The following BTBD9 variants were observed in gnomAD, a reference collection of about 807,000 sequenced individuals.
BTBD9 encodes the protein BTB domain containing 9.
BTBD9 carries 49 observed loss-of-function variants against 64.3 expected under a neutral mutation model. The observed-to-expected ratio is 0.76, with a 90% confidence interval of 0.61 to 0.97. BTBD9 has a LOEUF of 0.97. Ranked by LOEUF, BTBD9 falls within the 50% of genes least tolerant of loss-of-function variation. The pLI is 0.00. For missense variants in BTBD9, 598 were observed against 762.1 expected (o/e 0.78, Z 2.53); for synonymous variants, 260 against 274.7 (o/e 0.95, Z 0.53).
intron 10 of BTBD9, among the ~76,000 whole-genome samples, chr6:38,191,454 C>G (rs1183124127): frequency 6.6e-6 from 1 of 152,204 alleles, no homozygotes. Flanking sequence ...TCTAGGGTCT[C>G]TCTCTCAAGC....
At chr6:38,213,389 A>G (rs1230513732) in intron 9 of BTBD9, among the ~76,000 whole-genome samples, 1 of 152,188 alleles carries the variant, frequency 6.6e-6, no homozygotes, top group Non-Finnish European at 1.5e-5. Context: ...GAGTAAAAAA[A>G]AAAATGTTTT....
intron 6 of BTBD9, among the ~76,000 whole-genome samples, chr6:38,520,767 T>C (rs1025350104): frequency 2.7e-5 from 4 of 150,652 alleles, no homozygotes; most frequent in African/African-American, 9.8e-5. Flanking sequence ...ACCACATCTC[T>C]ACTAAATATT....
At chr6:38,587,438 T>A in intron 4 of BTBD9, 1 of 545,144 alleles carries the variant, frequency 1.8e-6, no homozygotes, top group South Asian at 1.5e-5. Flanking sequence ...GATGAATTAG[T>A]GCTAATGATG....
rs1777584654 is a variant in BTBD9, at chr6:38,610,611, A to G, written c.-27-12490T>C. Among the ~76,000 whole-genome samples, 5 of 152,274 alleles carry G rather than the reference A, an allele frequency of 3.3e-5. No homozygotes were observed. In the South Asian group the frequency reaches 1.0e-3, roughly 32 times the overall value. On this transcript the variant is annotated intron_variant, in intron 1 of 10. Coordinates refer to ENST00000481247, the MANE Select transcript of BTBD9 (RefSeq NM_001099272.2). ...TCATAGGAACAAAGATCAGAAATGG[A>G]GAGGTGCTCATAGTTCTGTGGGGGT... is the stretch of plus-strand genomic sequence containing the variant.
intron 6 of BTBD9, among the ~76,000 whole-genome samples, chr6:38,468,312 T>C (rs1011215565): frequency 2.6e-4 from 40 of 152,190 alleles, no homozygotes; most frequent in African/African-American, 8.9e-4. Flanking sequence ...CCAACCTATA[T>C]ATCAACCTTA....
intron 6 of BTBD9, among the ~76,000 whole-genome samples, chr6:38,534,475 C>CAA (rs57383061): frequency 0.11 from 10,532 of 94,754 alleles, 487 homozygotes; most frequent in Middle Eastern, 0.27. Flanking sequence ...TCAAACTGTT[C>CAA]AAAAAAAAAA....
intron 6 of BTBD9, among the ~76,000 whole-genome samples, chr6:38,374,283 G>GTATATATATATATACACATATATATA (rs57568036): frequency 4.4e-5 from 2 of 45,474 alleles, no homozygotes; most frequent in African/African-American, 3.2e-4. Flanking sequence ...AAAAAAAAAA[G>GTATATATATATATACACATATATATA]TATATATATA....
At chr6:38,464,829 GT>G in intron 6 of BTBD9, among the ~76,000 whole-genome samples, 1 of 152,252 alleles carries the variant, frequency 6.6e-6, no homozygotes, top group Admixed American at 6.5e-5. Flanking sequence ...TCTTTGTCTG[GT>G]TTTGGAAGTA....
rs1400693318 is a variant in BTBD9 at position 38,169,924 on chromosome 6, T to C, written c.*5061A>G. ...TAAAAAAAAGAAGACACGAAGCTGA[T>C]GGGGCAGGAGGGCCGTTCAGCCTGG... On this transcript the variant is annotated 3_prime_UTR_variant, in exon 11 of 11. Coordinates refer to ENST00000481247, the MANE Select transcript of BTBD9 (RefSeq NM_001099272.2). The C allele has an allele frequency of 6.6e-6, 1 of 151,752 alleles. No homozygotes were observed. The highest frequency in any genetic ancestry group is 1.5e-5 in the Non-Finnish European group (1 of 67,968). The allele number at this position is 151,752 out of a possible 1,614,324, so 9.4% of individuals were successfully genotyped here.
At chr6:38,571,171 C>T (rs1346639502) in intron 6 of BTBD9, among the ~76,000 whole-genome samples, 1 of 152,178 alleles carries the variant, frequency 6.6e-6, no homozygotes, top group Admixed American at 6.5e-5. Flanking sequence ...TGAAGCTCTT[C>T]AGTCATAAGA....
At chr6:38,351,797 C>T (rs1268674909) in intron 6 of BTBD9, among the ~76,000 whole-genome samples, 2 of 151,958 alleles carry the variant, frequency 1.3e-5, no homozygotes, top group Non-Finnish European at 1.5e-5. Context: ...CCGCCCCAGC[C>T]GTAATTGTTT....
intron 6 of BTBD9, among the ~76,000 whole-genome samples, chr6:38,561,037 G>T (rs150853000): frequency 5.3e-5 from 8 of 152,184 alleles, no homozygotes; most frequent in African/African-American, 7.2e-5. Context: ...ATGCTGCAAT[G>T]TACATATGCA....
intron 5 of BTBD9, among the ~76,000 whole-genome samples, chr6:38,579,129 ATTC>A (rs1477744435): frequency 6.6e-6 from 1 of 152,246 alleles, no homozygotes; most frequent in African/African-American, 2.4e-5. Context: ...CAGAAAATAT[ATTC>A]TTAATAAAAA....
chr6:38,198,634 G>C (rs1762349971), intron 9 of BTBD9, among the ~76,000 whole-genome samples: 1 of 152,182 alleles, frequency 6.6e-6, no homozygotes, highest in Non-Finnish European at 1.5e-5. Context: ...GCACATATCA[G>C]AACTTTTCTG....
chr6:38,430,279 G>T (rs886364700), intron 6 of BTBD9, among the ~76,000 whole-genome samples: 25 of 151,654 alleles, frequency 1.6e-4, no homozygotes, highest in African/African-American at 4.9e-4. Flanking sequence ...GAGTGCAGTG[G>T]CATGATCATA....
intron 6 of BTBD9, among the ~76,000 whole-genome samples, chr6:38,439,519 C>G (rs536753665): frequency 6.6e-6 from 1 of 151,964 alleles, no homozygotes; most frequent in Non-Finnish European, 1.5e-5. Flanking sequence ...CTCTGCCTCC[C>G]GGGCTCAAGT....
intron 6 of BTBD9, among the ~76,000 whole-genome samples, chr6:38,499,394 G>A (rs565115199): frequency 6.6e-6 from 1 of 152,262 alleles, no homozygotes; most frequent in Non-Finnish European, 1.5e-5. Context: ...CCTAATAATA[G>A]TATTTAAGTA....
intron 8 of BTBD9, among the ~76,000 whole-genome samples, chr6:38,274,216 TG>T (rs1765294970): frequency 6.6e-6 from 1 of 152,260 alleles, no homozygotes; most frequent in Admixed American, 6.5e-5. Flanking sequence ...TTGTGATTTT[TG>T]TACATTGATT....
intron 6 of BTBD9, among the ~76,000 whole-genome samples, chr6:38,535,673 G>A (rs183218716): frequency 2.0e-4 from 30 of 152,076 alleles, no homozygotes; most frequent in Admixed American, 5.9e-4. Context: ...ATAGACCAAC[G>A]GAACAGAATT....
Sources: allele counts gnomAD v4.1 joint callset (sites outside exome capture counted in the v4.1 genomes callset), GRCh38; gene constraint gnomAD v4.1.1; transcripts MANE v1.5; gene names NCBI Gene and HGNC (gene_info 2026-07-23, HGNC 2026-07-21).